Variants in TTC17 observed in about 807,000 individuals in gnomAD.
The protein encoded by TTC17 is tetratricopeptide repeat protein 17.
A neutral mutation model predicts 143.8 loss-of-function variants in TTC17; 58 were observed. That is an observed-to-expected ratio of 0.40 (90% confidence interval 0.33 to 0.50). The LOEUF (loss-of-function observed/expected upper bound fraction) is 0.50. Ranked by LOEUF, TTC17 falls within the 20% of genes least tolerant of loss-of-function variation. TTC17 has a pLI of 0.49. For missense variants in TTC17, 1,273 were observed against 1,392.5 expected, an observed-to-expected ratio of 0.91 and a Z score of 1.37; for synonymous variants, 501 against 497.8, an observed-to-expected ratio of 1.01 and a Z score of -0.09.
At chr11:43,423,210 A>AG (rs1481743039) in intron 16 of TTC17, among the ~76,000 whole-genome samples, 1 of 152,214 alleles carries the variant, frequency 6.6e-6, no homozygotes, top group Non-Finnish European at 1.5e-5. Context: ...GAGAGAGGAA[A>AG]GGCTGAAAAC....
At chr11:43,491,443 G>A (rs1392952079) in intron 22 of TTC17, 1 of 152,314 alleles carries the variant, frequency 6.6e-6, no homozygotes, top group Non-Finnish European at 1.5e-5. Flanking sequence ...AAAACACTTG[G>A]ACTCTGGAGG....
At chr11:43,363,351 ACT>A (rs1443583252) in intron 1 of TTC17, among the ~76,000 whole-genome samples, 6 of 152,058 alleles carry the variant, frequency 3.9e-5, no homozygotes, top group African/African-American at 1.4e-4. Context: ...GAGCCTAACC[ACT>A]CTATGGCACT....
chr11:43,370,726 CA>C (rs1350108043), intron 1 of TTC17, among the ~76,000 whole-genome samples: 5 of 152,000 alleles, frequency 3.3e-5, no homozygotes, highest in African/African-American at 1.2e-4. Flanking sequence ...CACGTAAAGT[CA>C]TATCAACTAG....
chr11:43,396,408 C>A, intron 5 of TTC17: 1 of 188,940 alleles, frequency 5.3e-6, no homozygotes, highest in Non-Finnish European at 1.1e-5. Flanking sequence ...AAATAGAGCT[C>A]AACAAGTTGT....
At chr11:43,372,934 A>G (rs1263387965) in intron 1 of TTC17, among the ~76,000 whole-genome samples, 1 of 152,222 alleles carries the variant, frequency 6.6e-6, no homozygotes, top group Non-Finnish European at 1.5e-5. Context: ...GAAGTCTGAC[A>G]AAATGTACAG....
intron 21 of TTC17, chr11:43,490,007 T>C: frequency 2.9e-6 from 1 of 340,612 alleles, no homozygotes; most frequent in Non-Finnish European, 5.2e-6. Flanking sequence ...ACACTTAAGC[T>C]CTCTGAGTCA....
intron 18 of TTC17, among the ~76,000 whole-genome samples, chr11:43,444,722 TACACACACACACAC>T (rs10638143): frequency 2.6e-4 from 37 of 143,632 alleles, no homozygotes; most frequent in Middle Eastern, 3.6e-3. Flanking sequence ...ACCAAATACA[TACACACACACACAC>T]ACACACACAC....
chr11:43,411,452 T>A (rs1486725325), intron 15 of TTC17, among the ~76,000 whole-genome samples: 1 of 144,312 alleles, frequency 6.9e-6, no homozygotes, highest in East Asian at 2.3e-4. Context: ...TAGTGCTACC[T>A]TTATTTCTTC....
At chr11:43,451,390 A>G (rs1002587353) in intron 21 of TTC17, 125 bp downstream of exon 21, 1 of 771,824 alleles carries the variant, frequency 1.3e-6, no homozygotes, top group African/African-American at 1.7e-5. Context: ...CTAAAAGGAT[A>G]ATGTGAAATA....
At chr11:43,402,471 C>A (rs946903173) in intron 10 of TTC17, among the ~76,000 whole-genome samples, 1 of 152,024 alleles carries the variant, frequency 6.6e-6, no homozygotes, top group African/African-American at 2.4e-5. Flanking sequence ...CAATCCTAAT[C>A]TATCTAGTTG....
At chr11:43,363,835 A>G (rs567067849) in intron 1 of TTC17, among the ~76,000 whole-genome samples, 3 of 152,318 alleles carry the variant, frequency 2.0e-5, no homozygotes, top group Admixed American at 6.5e-5. Context: ...TTACAAATGA[A>G]GGACTACAAA....
intron 21 of TTC17, among the ~76,000 whole-genome samples, chr11:43,479,517 A>G (rs1948247063): frequency 6.6e-6 from 1 of 152,220 alleles, no homozygotes; most frequent in Non-Finnish European, 1.5e-5. Flanking sequence ...CAAATGAATC[A>G]ACAGACTTAG....
intron 16 of TTC17, among the ~76,000 whole-genome samples, chr11:43,421,168 A>T (rs1030940106): frequency 1.6e-4 from 24 of 152,182 alleles, no homozygotes; most frequent in African/African-American, 4.8e-4. Context: ...TGGGGTCATT[A>T]AGGGAGGCCC....
At chr11:43,380,551 G>A (rs1044477784) in intron 2 of TTC17, among the ~76,000 whole-genome samples, 1 of 151,254 alleles carries the variant, frequency 6.6e-6, no homozygotes, top group Admixed American at 6.6e-5. Context: ...CACCGTGCCC[G>A]GCCAAAAGCT....
chr11:43,403,552 G>C (rs1857968444), intron 10 of TTC17, among the ~76,000 whole-genome samples: 1 of 152,154 alleles, frequency 6.6e-6, no homozygotes, highest in African/African-American at 2.4e-5. Context: ...ACAACAGTCT[G>C]TAATCCTTAA....
intron 17 of TTC17, among the ~76,000 whole-genome samples, chr11:43,443,789 G>A (rs1429205932): frequency 2.6e-5 from 4 of 152,310 alleles, no homozygotes; most frequent in Admixed American, 2.6e-4. Context: ...GAGGAAATGG[G>A]ATGGGTGTGA....
chr11:43,358,943 CG>C lies in TTC17; in HGVS notation c.-5del, dbSNP rs761899091. 5.0e-5 allele frequency: 79 copies of C among 1,566,938 alleles called. No homozygotes were observed. Among genetic ancestry groups the C allele is most frequent in the African/African-American group, 5.6e-5 (4 of 71,412 alleles). The stretch of plus-strand genomic sequence containing the variant: ...CCGCTTCCGGTGTGAGCGGCCCGGC[CG>C]GGGGGGCAAGATGGCGGCGGCAGTA... On this transcript the variant is annotated 5_prime_UTR_variant, in exon 1 of 24. Transcript: ENST00000039989.
chr11:43,387,512 A>AC, intron 2 of TTC17, among the ~76,000 whole-genome samples: 1 of 152,142 alleles, frequency 6.6e-6, no homozygotes, highest in Non-Finnish European at 1.5e-5. Flanking sequence ...CCCCATTAAT[A>AC]ATAACCCCAA....
At chr11:43,425,644 T>C (rs866752053) in intron 16 of TTC17, among the ~76,000 whole-genome samples, 20 of 152,292 alleles carry the variant, frequency 1.3e-4, no homozygotes, top group Middle Eastern at 3.4e-3. Flanking sequence ...ATGTCTGCCA[T>C]ATATATGTGT....
Sources: gnomAD v4.1 joint callset for allele counts (sites outside exome capture counted in the v4.1 genomes callset) on GRCh38, gnomAD v4.1.1 for gene constraint, MANE v1.5 for transcripts, NCBI Gene and HGNC (gene_info 2026-07-23, HGNC 2026-07-21) for gene names.